The following PTPN5 variants were observed in gnomAD, a reference collection of about 807,000 sequenced individuals.
PTPN5 encodes the protein protein tyrosine phosphatase non-receptor type 5.
PTPN5 carries 29 observed loss-of-function variants against 73.9 expected under a neutral mutation model. That is an observed-to-expected ratio of 0.39 (90% CI 0.29 to 0.54). PTPN5 has a LOEUF of 0.54. Ranked by LOEUF, PTPN5 falls within the 20% of genes least tolerant of loss-of-function variation. PTPN5 has a pLI of 0.65. For synonymous variants in PTPN5, 267 were observed against 304.7 expected (o/e 0.88, Z 1.29); for missense variants, 652 against 751.4 (o/e 0.87, Z 1.55).
At chr11:18,772,390 A>G (rs1352021153) in intron 1 of PTPN5, among the ~76,000 whole-genome samples, 3 of 152,176 alleles carry the variant, frequency 2.0e-5, no homozygotes, top group Non-Finnish European at 4.4e-5. Flanking sequence ...CAGGACTCCC[A>G]ATGCTTAGTT....
intron 9 of PTPN5, 84 bp downstream of exon 9, chr11:18,737,796 C>G: frequency 8.1e-7 from 1 of 1,236,970 alleles, no homozygotes; most frequent in South Asian, 1.2e-5. Flanking sequence ...CCCTAGAGGC[C>G]CAGCTGAGGG....
rs1849332035 is a variant in PTPN5, at chr11:18,740,808, A to C, written c.726-16T>G. On this transcript the variant is annotated splice_polypyrimidine_tract_variant and intron_variant, in intron 7 of 14. Transcript: ENST00000358540. ...GGAACCCCTCCTGGAAGGACCAGGAAAGGGAGTGTGAGCCTCAGGGGCAGA... is the reference window on the plus strand; with the variant it reads ...GGAACCCCTCCTGGAAGGACCAGGACAGGGAGTGTGAGCCTCAGGGGCAGA... 1 of 1,483,060 alleles carries C rather than the reference A, an allele frequency of 6.7e-7. No individual in the cohort carries two copies. The highest frequency in any genetic ancestry group is 2.2e-5 in the Admixed American group (1 of 46,180). 91.9% of individuals were successfully genotyped at this position (1,483,060 alleles called of 1,614,324 possible).
intron 1 of PTPN5, among the ~76,000 whole-genome samples, chr11:18,783,305 A>T (rs1018297436): frequency 3.3e-5 from 5 of 152,202 alleles, no homozygotes; most frequent in Non-Finnish European, 5.9e-5. Flanking sequence ...GGTCTCCCTG[A>T]GTGTCTAGAG....
At chr11:18,749,345 G>A (rs1849777720) in intron 3 of PTPN5, 1 of 518,502 alleles carries the variant, frequency 1.9e-6, no homozygotes, top group Admixed American at 1.9e-5. Flanking sequence ...GAGGTTAAGT[G>A]TCTTGGCCAA....
At chr11:18,768,039 G>A (rs910913433) in intron 2 of PTPN5, among the ~76,000 whole-genome samples, 2 of 152,208 alleles carry the variant, frequency 1.3e-5, no homozygotes, top group African/African-American at 2.4e-5. Context: ...TGAAGGCAGG[G>A]TCCACTATTT....
intron 3 of PTPN5, among the ~76,000 whole-genome samples, chr11:18,748,543 T>C (rs912219899): frequency 6.6e-6 from 1 of 152,196 alleles, no homozygotes; most frequent in African/African-American, 2.4e-5. Flanking sequence ...ATCTGACTTT[T>C]TTTTAATCCA....
chr11:18,749,674 T>A (rs1289126827), intron 3 of PTPN5, among the ~76,000 whole-genome samples: 1 of 152,098 alleles, frequency 6.6e-6, no homozygotes, highest in Non-Finnish European at 1.5e-5. Context: ...TGCAGGCAAA[T>A]GGCCTTCAGA....
chr11:18,783,378 G>T (rs1851529390), intron 1 of PTPN5, among the ~76,000 whole-genome samples: 1 of 152,178 alleles, frequency 6.6e-6, no homozygotes, highest in Non-Finnish European at 1.5e-5. Flanking sequence ...TTACATCATG[G>T]GCTAAAGAAG....
In PTPN5 at chr11:18,781,323, C is replaced by CTTTTTTTTTTTTTTTT. The variant is rs58611404; in HGVS notation, c.-113-9253_-113-9252insAAAAAAAAAAAAAAAA. 4.8e-4 allele frequency among the ~76,000 whole-genome samples: 55 copies of CTTTTTTTTTTTTTTTT among 114,412 alleles called. 2 individuals are homozygous for CTTTTTTTTTTTTTTTT. Among genetic ancestry groups the CTTTTTTTTTTTTTTTT allele is most frequent in the East Asian group, 6.2e-4 (2 of 3,210 alleles). The allele number at this position is 114,412 out of a possible 152,430, so 75.1% of individuals were successfully genotyped here. A position where few individuals can be genotyped will look rare whatever the true frequency, so the allele number is the denominator to read the frequency against. ...AGATCAGACTGTCTTTTTTTGACCA[C>CTTTTTTTTTTTTTTTT]TTTTTTTTTTTTTTGAGATGGAGTC... is the stretch of plus-strand genomic sequence containing the variant. On this transcript the variant is annotated intron_variant, in intron 1 of 14. Coordinates refer to ENST00000358540, the MANE Select transcript of PTPN5 (RefSeq NM_006906.2).
At position 18,743,561 on chromosome 11, in the gene PTPN5, C is replaced by T. The variant is rs1564898237; in HGVS notation, c.292-132G>A. ...AACCTCTAAGGTCCAGACCGGGCAGCTGAGAGCAGGGCCCCGGTGCTGCGT... is the reference window on the plus strand; with the variant it reads ...AACCTCTAAGGTCCAGACCGGGCAGTTGAGAGCAGGGCCCCGGTGCTGCGT... On this transcript the variant is annotated intron_variant, in intron 4 of 14. Coordinates refer to ENST00000358540, the MANE Select transcript of PTPN5 (RefSeq NM_006906.2). The T allele has an allele frequency of 1.1e-5, 9 of 800,990 alleles. No homozygotes were observed. The East Asian group carries it at 2.4e-4, about 21-fold the overall frequency. The allele number at this position is 800,990 out of a possible 1,614,324, so 49.6% of individuals were successfully genotyped here.
chr11:18,758,906 C>G (rs564003778), intron 3 of PTPN5, among the ~76,000 whole-genome samples: 1 of 152,304 alleles, frequency 6.6e-6, no homozygotes, highest in East Asian at 1.9e-4. Flanking sequence ...CATCACACAT[C>G]CAGGCAACTC....
intron 1 of PTPN5, among the ~76,000 whole-genome samples, chr11:18,790,674 A>G (rs1851876225): frequency 6.6e-6 from 1 of 152,118 alleles, no homozygotes; most frequent in Admixed American, 6.5e-5. Context: ...GGCTGGAATT[A>G]CACACTTTCG....
chr11:18,750,277 G>A (rs1436269465), intron 3 of PTPN5, among the ~76,000 whole-genome samples: 1 of 152,192 alleles, frequency 6.6e-6, no homozygotes, highest in African/African-American at 2.4e-5. Context: ...AGGAAACTGA[G>A]GCACAGAGAC....
chr11:18,775,462 C>T (rs1164075923), intron 1 of PTPN5, among the ~76,000 whole-genome samples: 1 of 152,192 alleles, frequency 6.6e-6, no homozygotes, highest in African/African-American at 2.4e-5. Flanking sequence ...CTTGGGATCA[C>T]TGCTGTTCTC....
In PTPN5 at chr11:18,733,110, T is replaced by G. The variant is rs561314769; in HGVS notation, c.1218+125A>C. On this transcript the variant is annotated intron_variant, in intron 11 of 14. Coordinates refer to ENST00000358540, the MANE Select transcript of PTPN5 (RefSeq NM_006906.2). This position sits in a 1 kb window ranked among gnomAD's most constrained non-coding sequence, Gnocchi z 4.3. The stretch of plus-strand genomic sequence containing the variant: ...TAACCTTACCGAGCCTCACATCTCC[T>G]CATCTTGGCAGCGGAGTGAACACCG... 75 of 1,398,792 alleles carry G rather than the reference T, an allele frequency of 5.4e-5. No individual in the cohort carries two copies. In the South Asian group the frequency reaches 9.5e-4, roughly 18 times the overall value. 86.6% of individuals were successfully genotyped at this position (1,398,792 alleles called of 1,614,324 possible).
chr11:18,782,809 ATGAC>A (rs1234183086), intron 1 of PTPN5, among the ~76,000 whole-genome samples: 1 of 152,198 alleles, frequency 6.6e-6, no homozygotes, highest in African/African-American at 2.4e-5. Flanking sequence ...GGTTGTTATA[ATGAC>A]TGAAGGGTGC....
intron 1 of PTPN5, among the ~76,000 whole-genome samples, chr11:18,790,152 C>T (rs1199484579): frequency 4.6e-5 from 7 of 151,934 alleles, no homozygotes; most frequent in Non-Finnish European, 8.8e-5. Flanking sequence ...CACCTGGCTG[C>T]CCTTGAGGGA....
At chr11:18,786,878 T>C (rs537337867) in intron 1 of PTPN5, among the ~76,000 whole-genome samples, 1 of 152,330 alleles carries the variant, frequency 6.6e-6, no homozygotes, top group Admixed American at 6.5e-5. Context: ...TCTGTCAGTT[T>C]ACTGGAGATG....
At position 18,738,381 on chromosome 11, in the gene PTPN5, G is replaced by A. The variant is rs1340858613; in HGVS notation, c.916-417C>T. Among the ~76,000 whole-genome samples, 4 of 152,024 alleles carry A rather than the reference G, an allele frequency of 2.6e-5. No individual in the cohort carries two copies. In the East Asian group the frequency reaches 5.8e-4, roughly 22 times the overall value. ...ACACCCCATCCTCATCTCATGTCCC[G>A]CCTCCTCTGAGAAGCCTTCCCTGAT... On this transcript the variant is annotated intron_variant, in intron 8 of 14. Coordinates refer to ENST00000358540, the MANE Select transcript of PTPN5 (RefSeq NM_006906.2).
Sources: gnomAD v4.1 joint callset for allele counts (sites outside exome capture counted in the v4.1 genomes callset) on GRCh38, gnomAD v4.1.1 for gene constraint, Gnocchi (gnomAD v3.1) non-coding constraint, MANE v1.5 for transcripts, NCBI Gene and HGNC (gene_info 2026-07-23, HGNC 2026-07-21) for gene names.